The following DAG1 variants were observed in gnomAD, a reference collection of about 807,000 sequenced individuals.
The protein encoded by DAG1 is dystroglycan 1 (dystrophin-associated glycoprotein 1).
DAG1 carries 8 observed loss-of-function variants against 46.1 expected under a neutral mutation model. The observed-to-expected ratio is 0.17, with a 90% CI of 0.10 to 0.31. The LOEUF is 0.31. Among genes scored for constraint, DAG1 ranks in the 10% least tolerant of loss-of-function variants. DAG1 has a pLI of 1.00. For missense variants in DAG1, 1,003 were observed against 1,189.9 expected (o/e 0.84, Z 2.31); for synonymous variants, 495 against 481.8 (o/e 1.03, Z -0.36).
chr3:49,486,862 A>T (rs1429333721), intron 1 of DAG1, among the ~76,000 whole-genome samples: 1 of 152,042 alleles, frequency 6.6e-6, no homozygotes, highest in Non-Finnish European at 1.5e-5. Context: ...ACTGTTAGAT[A>T]TATAGTATTT....
In DAG1 at chr3:49,533,906, C is replaced by T. The variant is rs2051439924; in HGVS notation, c.*707C>T. On this transcript the variant is annotated 3_prime_UTR_variant, in exon 3 of 3. Coordinates refer to ENST00000308775, the MANE Select transcript of DAG1 (RefSeq NM_004393.6). ...TTGGGGGCCTCCCGGCCCTGGCTCA[C>T]GCCAAGTCCCTGGTGCTGGGTTTGC... 6.1e-6 allele frequency: 1 copy of T among 164,578 alleles called. No individual in the cohort carries two copies. The highest frequency in any genetic ancestry group is 5.9e-5 in the Admixed American group (1 of 16,978). 10.2% of individuals were successfully genotyped at this position (164,578 alleles called of 1,614,324 possible).
intron 2 of DAG1, among the ~76,000 whole-genome samples, chr3:49,523,192 G>A (rs902228678): frequency 6.6e-6 from 1 of 152,188 alleles, no homozygotes; most frequent in Non-Finnish European, 1.5e-5. Context: ...GCAAACCAAG[G>A]ACTCTAAGGA....
At chr3:49,515,601 G>A (rs2050877824) in intron 2 of DAG1, among the ~76,000 whole-genome samples, 1 of 151,794 alleles carries the variant, frequency 6.6e-6, no homozygotes, top group African/African-American at 2.4e-5. Flanking sequence ...GCCCAGGCCG[G>A]TCTTGAACTC....
intron 1 of DAG1, among the ~76,000 whole-genome samples, chr3:49,498,335 C>A (rs1575368832): frequency 6.6e-6 from 1 of 152,114 alleles, no homozygotes; most frequent in East Asian, 1.9e-4. Context: ...TGACTTCAGA[C>A]CTTTCTCATC....
rs565817231 is a variant in DAG1 at position 49,527,330 on chromosome 3, T to C, written c.286-3467T>C. 1.1e-3 allele frequency among the ~76,000 whole-genome samples: 170 copies of C among 150,326 alleles called. 1 individual carries two copies. The Middle Eastern group carries it at 0.017, about 15-fold the overall frequency. ...ACGAGCTCAGGAGATCGAGACCATCTTGGCTAACACGGTGAAACCCCGTCT... is the reference window on the plus strand; with the variant it reads ...ACGAGCTCAGGAGATCGAGACCATCCTGGCTAACACGGTGAAACCCCGTCT... On this transcript the variant is annotated intron_variant, in intron 2 of 2. Coordinates refer to ENST00000308775, the MANE Select transcript of DAG1 (RefSeq NM_004393.6).
chr3:49,507,424 G>A (rs571351597), intron 1 of DAG1, among the ~76,000 whole-genome samples: 60 of 152,194 alleles, frequency 3.9e-4, no homozygotes, highest in South Asian at 2.3e-3. Flanking sequence ...TTAGCTGGGC[G>A]TAGTGGTGGG....
chr3:49,499,155 TG>T (rs1433670508), intron 1 of DAG1, among the ~76,000 whole-genome samples: 1 of 152,190 alleles, frequency 6.6e-6, no homozygotes, highest in African/African-American at 2.4e-5. Context: ...TGGTTAATAA[TG>T]GGTTGAGTCT....
intron 2 of DAG1, among the ~76,000 whole-genome samples, chr3:49,513,645 T>C (rs2050819814): frequency 6.6e-6 from 1 of 152,202 alleles, no homozygotes; most frequent in African/African-American, 2.4e-5. Flanking sequence ...CCGTGGCTTG[T>C]TCTCAGAGTG....
intron 1 of DAG1, among the ~76,000 whole-genome samples, chr3:49,509,413 GT>G (rs1404078210): frequency 6.6e-6 from 1 of 152,120 alleles, no homozygotes; most frequent in Non-Finnish European, 1.5e-5. Flanking sequence ...AACCTTCTCT[GT>G]CCCCACTCCC....
At position 49,531,204 on chromosome 3, in the gene DAG1, G is replaced by A; in HGVS notation, c.693G>A (p.Val231=). 1 of 1,614,190 alleles carries A rather than the reference G, an allele frequency of 6.2e-7. No individual in the cohort carries two copies. The highest frequency in any genetic ancestry group is 8.5e-7 in the Non-Finnish European group (1 of 1,180,032). ...ACAACATGAAATTAGTGCCGGTGGTGAATAACAGACTATTTGACATGTCGG... is the reference window on the plus strand; with the variant it reads ...ACAACATGAAATTAGTGCCGGTGGTAAATAACAGACTATTTGACATGTCGG... ...ELHNMKLVPV[V]NNRLFDMSAF... is the part of the protein sequence containing the mutation. Residue 231 remains valine, a synonymous_variant, in exon 3 of 3, where the codon GTG becomes GTA. Transcript: ENST00000308775. The surrounding 1 kb of genome is among the most constrained non-coding windows in gnomAD (Gnocchi z 7.0).
chr3:49,502,513 C>CA (rs2050480189), intron 1 of DAG1, among the ~76,000 whole-genome samples: 1 of 152,068 alleles, frequency 6.6e-6, no homozygotes, highest in Non-Finnish European at 1.5e-5. Flanking sequence ...GTCCCATGGG[C>CA]CTTGGAGTGT....
chr3:49,490,945 G>A (rs1196023066), intron 1 of DAG1, among the ~76,000 whole-genome samples: 1 of 148,250 alleles, frequency 6.7e-6, no homozygotes, highest in Non-Finnish European at 1.5e-5. Context: ...GAGTGCAGTG[G>A]CACGATCTTG....
At chr3:49,489,184 C>T (rs1026364110) in intron 1 of DAG1, among the ~76,000 whole-genome samples, 1 of 152,004 alleles carries the variant, frequency 6.6e-6, no homozygotes, top group Non-Finnish European at 1.5e-5. Context: ...CAACCTCTGC[C>T]TCCCGGATTC....
intron 1 of DAG1, among the ~76,000 whole-genome samples, chr3:49,492,085 C>T (rs2050204866): frequency 6.6e-6 from 1 of 152,090 alleles, no homozygotes. Flanking sequence ...GGCCACCAAG[C>T]CCAGCTAATT....
At chr3:49,516,724 A>G (rs2107715410) in intron 2 of DAG1, among the ~76,000 whole-genome samples, 1 of 152,086 alleles carries the variant, frequency 6.6e-6, no homozygotes, top group East Asian at 1.9e-4. Context: ...ACTTTCTGGG[A>G]TAAGATGCTC....
Position 49,533,111 on chromosome 3 carries a change from C to G in DAG1, c.2600C>G (p.Pro867Arg), listed in dbSNP as rs199506692. Residue 867 changes from proline to arginine, a missense_variant, in exon 3 of 3, where the codon CCG becomes CGG. Physicochemically the swap from Pro to Arg is moderately radical, Grantham distance 103 (BLOSUM62 -2). Around this residue, in one of 3 missense-constraint regions of DAG1, gnomAD observed 755 missense variants for 854.1 expected, o/e 0.88. Transcript: ENST00000308775. Reference sequence around the variant, plus strand: ...AATGCGCCTCCCTACCAGCCCCCACCGCCCTTCACAGCACCCATGGAGGGC... The same window carrying G: ...AATGCGCCTCCCTACCAGCCCCCACGGCCCTTCACAGCACCCATGGAGGGC... ...DPNAPPYQPP[P>R]PFTAPMEGKG... The G allele has an allele frequency of 8.1e-6, 13 of 1,614,194 alleles. No homozygotes were observed. Among genetic ancestry groups the G allele is most frequent in the Non-Finnish European group, 1.0e-5 (12 of 1,180,028 alleles).
intron 1 of DAG1, among the ~76,000 whole-genome samples, chr3:49,488,043 AG>A (rs756707870): frequency 1.3e-5 from 2 of 152,102 alleles, no homozygotes; most frequent in Non-Finnish European, 2.9e-5. Context: ...GAGGTACTCA[AG>A]TTTTACTAGA....
chr3:49,472,180 G>T (rs2049539583), intron 1 of DAG1, among the ~76,000 whole-genome samples: 2 of 152,210 alleles, frequency 1.3e-5, no homozygotes, highest in East Asian at 3.9e-4. Context: ...TGGTGGAGTG[G>T]CAGGAAGAGG....
rs765431685 is a variant in DAG1, at chr3:49,533,207, G to A, written c.*8G>A. 3 of 1,610,960 alleles carry A rather than the reference G, an allele frequency of 1.9e-6. No individual in the cohort carries two copies. The highest frequency in any genetic ancestry group is 2.5e-6 in the Non-Finnish European group (3 of 1,179,954). On this transcript the variant is annotated 3_prime_UTR_variant, in exon 3 of 3. Transcript: ENST00000308775. Reference sequence around the variant, plus strand: ...CCCTATGTCCCACCTTAACCCGCAAGCGCCTGGGTGGAGGCAGGGTAGGGC... The same window carrying A: ...CCCTATGTCCCACCTTAACCCGCAAACGCCTGGGTGGAGGCAGGGTAGGGC...
Sources: gnomAD v4.1 joint callset for allele counts (sites outside exome capture counted in the v4.1 genomes callset) on GRCh38, gnomAD v4.1.1 for gene constraint, gnomAD v4.1.1 regional missense constraint, Gnocchi (gnomAD v3.1) non-coding constraint, MANE v1.5 for transcripts, NCBI Gene and HGNC (gene_info 2026-07-23, HGNC 2026-07-21) for gene names.